The following MINDY2 variants were observed in gnomAD, a reference collection of about 807,000 sequenced individuals.
The protein encoded by MINDY2 is ubiquitin carboxyl-terminal hydrolase MINDY-2.
A neutral mutation model predicts 68.2 loss-of-function variants in MINDY2; 52 were observed. The observed-to-expected ratio is 0.76, with a 90% confidence interval of 0.61 to 0.96. The LOEUF (loss-of-function observed/expected upper bound fraction) is 0.96, where lower values mean the gene tolerates loss of function less well. Among genes scored for constraint, MINDY2 ranks in the 40% least tolerant of loss-of-function variants. The pLI, the probability that MINDY2 is intolerant of heterozygous loss-of-function variation, is 0.00. For synonymous variants in MINDY2, 372 were observed against 303.0 expected, an observed-to-expected ratio of 1.23 and a Z score of -2.36; for missense variants, 881 against 773.4, an observed-to-expected ratio of 1.14 and a Z score of -1.65.
Position 58,860,872 on chromosome 15 carries a change from G to A in MINDY2, c.*6262G>A, listed in dbSNP as rs928882970. 1.3e-5 allele frequency: 2 copies of A among 152,068 alleles called. No homozygotes were observed. Among genetic ancestry groups the A allele is most frequent in the South Asian group, 4.1e-4 (2 of 4,822 alleles). The allele number at this position is 152,068 out of a possible 1,614,324, so 9.4% of individuals were successfully genotyped here. ...AAGCAGTTTTTTCAGGGTACATAGGGTATCTTTGTTTTACAGATTTTTAAA... is the reference window on the plus strand; with the variant it reads ...AAGCAGTTTTTTCAGGGTACATAGGATATCTTTGTTTTACAGATTTTTAAA... On this transcript the variant is annotated 3_prime_UTR_variant, in exon 9 of 9. Coordinates refer to ENST00000559228, the MANE Select transcript of MINDY2 (RefSeq NM_001040450.3).
At chr15:58,802,896 T>C (rs570575657) in intron 3 of MINDY2, among the ~76,000 whole-genome samples, 2 of 152,344 alleles carry the variant, frequency 1.3e-5, no homozygotes, top group Middle Eastern at 3.4e-3. Flanking sequence ...CTTAAAATTA[T>C]TGGTGCTGGA....
chr15:58,826,734 C>G (rs887681158), intron 5 of MINDY2, among the ~76,000 whole-genome samples: 1 of 152,064 alleles, frequency 6.6e-6, no homozygotes, highest in Non-Finnish European at 1.5e-5. Flanking sequence ...TCCCGTTTTC[C>G]CAGTAATGCC....
At position 58,854,730 on chromosome 15, in the gene MINDY2, T is replaced by TTTCAGGGGAAC. The variant is rs1189002195; in HGVS notation, c.*121_*131dup. On this transcript the variant is annotated 3_prime_UTR_variant, in exon 9 of 9. Transcript: ENST00000559228. ...ATTTCCTAATGGATTTTGTTCGTTTTTTCAGGGGAACGGTTGTTACTTAGT... is the reference window on the plus strand; with the variant it reads ...ATTTCCTAATGGATTTTGTTCGTTTTTTCAGGGGAACTTCAGGGGAACGGTTGTTACTTAGT... The TTTCAGGGGAAC allele has an allele frequency of 5.0e-6, 6 of 1,212,010 alleles. No homozygotes were observed. The highest frequency in any genetic ancestry group is 6.8e-6 in the Non-Finnish European group (6 of 888,398). 75.1% of individuals were successfully genotyped at this position (1,212,010 alleles called of 1,614,324 possible). A position where few individuals can be genotyped will look rare whatever the true frequency, so the allele number is the denominator to read the frequency against.
intron 8 of MINDY2, among the ~76,000 whole-genome samples, chr15:58,852,951 T>G (rs867429640): frequency 0.33 from 10,819 of 32,354 alleles, 1,362 homozygotes; most frequent in South Asian, 0.53. Flanking sequence ...TTTTTTTTTT[T>G]TTTTTTTTTT....
rs1331533162 is a variant in MINDY2, at chr15:58,854,687, C to G, written c.*77C>G. The G allele has an allele frequency of 6.7e-7, 1 of 1,487,214 alleles. No individual in the cohort carries two copies. Among genetic ancestry groups the G allele is most frequent in the African/African-American group, 1.4e-5 (1 of 71,420 alleles). 92.1% of individuals were successfully genotyped at this position (1,487,214 alleles called of 1,614,324 possible). On this transcript the variant is annotated 3_prime_UTR_variant, in exon 9 of 9. Coordinates refer to ENST00000559228, the MANE Select transcript of MINDY2 (RefSeq NM_001040450.3). ...CAGGAGGAAAGGAAGAAAAACCGATCAATACCGTCTGTGCCTGATTTCCTA... is the reference window on the plus strand; with the variant it reads ...CAGGAGGAAAGGAAGAAAAACCGATGAATACCGTCTGTGCCTGATTTCCTA...
chr15:58,844,839 C>G (rs993122456), intron 6 of MINDY2, among the ~76,000 whole-genome samples: 4 of 148,554 alleles, frequency 2.7e-5, no homozygotes, highest in Non-Finnish European at 5.9e-5. Flanking sequence ...CGCTTGAACC[C>G]AAGAGGCTGA....
chr15:58,796,237 A>G (rs1595719832), intron 2 of MINDY2: 7 of 432,946 alleles, frequency 1.6e-5, no homozygotes, highest in African/African-American at 4.0e-5. Flanking sequence ...GTTAGAATCT[A>G]TGCTGTTGTA....
chr15:58,793,763 T>C (rs1270197971), intron 2 of MINDY2, among the ~76,000 whole-genome samples: 1 of 152,150 alleles, frequency 6.6e-6, no homozygotes, highest in Non-Finnish European at 1.5e-5. Flanking sequence ...GTCTCTTGAG[T>C]GCTTCTATTT....
chr15:58,786,760 T>C (rs1467485496), intron 1 of MINDY2, among the ~76,000 whole-genome samples: 5 of 152,210 alleles, frequency 3.3e-5, no homozygotes, highest in Non-Finnish European at 7.3e-5. Context: ...CCTTTCCAAC[T>C]ATAACTCCTT....
intron 6 of MINDY2, among the ~76,000 whole-genome samples, chr15:58,840,319 T>C (rs2032213292): frequency 6.6e-6 from 1 of 152,222 alleles, no homozygotes; most frequent in Non-Finnish European, 1.5e-5. Context: ...CTTCCTGTTG[T>C]TGGAAAGTCC....
At chr15:58,845,451 C>G (rs1419418042) in intron 6 of MINDY2, among the ~76,000 whole-genome samples, 1 of 152,094 alleles carries the variant, frequency 6.6e-6, no homozygotes, top group Admixed American at 6.6e-5. Context: ...TGAAAAGGTG[C>G]TGAACATCAC....
intron 8 of MINDY2, among the ~76,000 whole-genome samples, chr15:58,853,356 A>G (rs2032926019): frequency 6.6e-6 from 1 of 152,116 alleles, no homozygotes; most frequent in African/African-American, 2.4e-5. Context: ...AGAAGTCCCC[A>G]TTAAAATAAG....
At chr15:58,818,800 TG>T (rs1261017156) in intron 4 of MINDY2, among the ~76,000 whole-genome samples, 2 of 151,548 alleles carry the variant, frequency 1.3e-5, no homozygotes, top group African/African-American at 4.9e-5. Context: ...CCACCACGCC[TG>T]GCTAATTTTT....
intron 6 of MINDY2, among the ~76,000 whole-genome samples, chr15:58,838,607 G>C (rs1272819349): frequency 2.2e-5 from 1 of 44,604 alleles, no homozygotes; most frequent in Non-Finnish European, 3.3e-5. Context: ...TTTTTTTTGA[G>C]ATGGAGTCTC....
rs1161649051 is a variant in MINDY2 at position 58,773,352 on chromosome 15, T to G, written c.840+1117T>G. The stretch of plus-strand genomic sequence containing the variant: ...GTAGAAAATCAAGTAAAGGGAATAG[T>G]GTTTATCAAACATGCCTTTATCTTC... On this transcript the variant is annotated intron_variant, in intron 1 of 8. Transcript: ENST00000559228. 2.0e-5 allele frequency among the ~76,000 whole-genome samples: 3 copies of G among 152,216 alleles called. No homozygotes were observed. The East Asian group carries it at 5.8e-4, about 29-fold the overall frequency.
At chr15:58,804,583 G>A (rs781000300) in intron 3 of MINDY2, among the ~76,000 whole-genome samples, 4 of 152,094 alleles carry the variant, frequency 2.6e-5, no homozygotes, top group African/African-American at 4.8e-5. Flanking sequence ...CAAAGCAGGC[G>A]GATTGCTTGA....
Position 58,847,328 on chromosome 15 carries a change from G to T in MINDY2, c.1400G>T (p.Gly467Val). The change falls in exon 7 of 9, where the codon GGG (glycine) becomes GTG (valine). Residue 467 changes from glycine (G) to valine (V), a missense_variant. Physicochemically the swap from Gly to Val is moderately radical, Grantham distance 109. Transcript: ENST00000559228. The stretch of plus-strand genomic sequence containing the variant: ...CTGTATTTGTTGGTAACGGACCAGG[G>T]GTTTCTTACTGAAGAGAAAGTTGTT... ...GQLYLLVTDQGFLTEEKVVWE... is the reference protein window; with the variant it reads ...GQLYLLVTDQVFLTEEKVVWE... 6.3e-7 allele frequency: 1 copy of T among 1,589,468 alleles called. No individual in the cohort carries two copies. The highest frequency in any genetic ancestry group is 8.6e-7 in the Non-Finnish European group (1 of 1,161,356).
intron 1 of MINDY2, among the ~76,000 whole-genome samples, chr15:58,782,244 T>C (rs1371813958): frequency 6.6e-6 from 1 of 152,176 alleles, no homozygotes. Context: ...ATACTATATA[T>C]TCATGCTGAA....
chr15:58,802,331 C>A lies in MINDY2; in HGVS notation c.917C>A (p.Ala306Glu). 6.3e-7 allele frequency: 1 copy of A among 1,580,386 alleles called. No homozygotes were observed. The highest frequency in any genetic ancestry group is 8.6e-7 in the Non-Finnish European group (1 of 1,165,764). The change falls in exon 3 of 9, where the codon GCA (alanine) becomes GAA (glutamate). Residue 306 changes from alanine to glutamate, a missense_variant. Ala to Glu is a moderately radical substitution (Grantham distance 107). Coordinates refer to ENST00000559228, the MANE Select transcript of MINDY2 (RefSeq NM_001040450.3). ...TTTACAGGAGATTACATGCTTGATG[C>A]AAAGCCAAAAGAAATTTCAGAAATT... The part of the protein sequence containing the change: ...MEYLGDYMLD[A>E]KPKEISEIQR...
Sources: allele counts gnomAD v4.1 joint callset (sites outside exome capture counted in the v4.1 genomes callset), GRCh38; gene constraint gnomAD v4.1.1; transcripts MANE v1.5; gene names NCBI Gene and HGNC (gene_info 2026-07-23, HGNC 2026-07-21).